Variants in ATF7IP2 observed in about 807,000 individuals in gnomAD.
ATF7IP2 encodes the protein activating transcription factor 7-interacting protein 2.
ATF7IP2 carries 42 observed loss-of-function variants against 64.2 expected under a neutral mutation model. The observed-to-expected ratio is 0.65, with a 90% confidence interval of 0.51 to 0.85. The LOEUF is 0.85. Ranked by LOEUF, ATF7IP2 falls within the 40% of genes least tolerant of loss-of-function variation. The pLI, the probability that ATF7IP2 is intolerant of heterozygous loss-of-function variation, is 0.00. For synonymous variants in ATF7IP2, 308 were observed against 272.8 expected (o/e 1.13, Z -1.27); for missense variants, 933 against 784.2 (o/e 1.19, Z -2.27).
intron 7 of ATF7IP2, 139 bp from the exon 8 acceptor site, chr16:10,440,225 C>T (rs1239509878): frequency 2.3e-6 from 1 of 442,744 alleles, no homozygotes; most frequent in East Asian, 3.9e-5. Flanking sequence ...TGATTTCAAG[C>T]TTTTGCATAT....
intron 8 of ATF7IP2, 161 bp from the exon 9 acceptor site, chr16:10,457,211 G>A (rs2049199311): frequency 1.8e-6 from 1 of 565,788 alleles, no homozygotes; most frequent in Non-Finnish European, 3.0e-6. Flanking sequence ...ATTCATTTTG[G>A]CAGGCAAATC....
chr16:10,415,041 G>A (rs1348373469), intron 2 of ATF7IP2, among the ~76,000 whole-genome samples: 1 of 152,166 alleles, frequency 6.6e-6, no homozygotes, highest in Non-Finnish European at 1.5e-5. Context: ...TTGTTAAAAT[G>A]TTCATACTGC....
chr16:10,408,189 T>C (rs910165734), intron 1 of ATF7IP2, among the ~76,000 whole-genome samples: 1 of 152,156 alleles, frequency 6.6e-6, no homozygotes, highest in Non-Finnish European at 1.5e-5. Flanking sequence ...GGATTGCAGA[T>C]GTGAGCCACC....
intron 8 of ATF7IP2, among the ~76,000 whole-genome samples, chr16:10,452,199 G>A (rs112440282): frequency 0.044 from 6,751 of 152,248 alleles, 255 homozygotes; most frequent in East Asian, 0.13. Context: ...GAGAAGAGGC[G>A]TTCTTGTTTT....
intron 6 of ATF7IP2, among the ~76,000 whole-genome samples, chr16:10,437,359 C>G (rs184210130): frequency 6.6e-6 from 1 of 152,178 alleles, no homozygotes; most frequent in Non-Finnish European, 1.5e-5. Flanking sequence ...ACTAGCTGAG[C>G]TAACCAACTG....
intron 9 of ATF7IP2, among the ~76,000 whole-genome samples, chr16:10,462,215 G>A (rs1351076479): frequency 6.6e-6 from 1 of 151,868 alleles, no homozygotes; most frequent in Admixed American, 6.6e-5. Context: ...TGTGCGTTTC[G>A]ATTTTACATT....
At chr16:10,435,348 T>G (rs1485744379) in intron 6 of ATF7IP2, among the ~76,000 whole-genome samples, 2 of 152,216 alleles carry the variant, frequency 1.3e-5, no homozygotes, top group Admixed American at 1.3e-4. Context: ...CAGTCTTAAG[T>G]TATTCACTCT....
chr16:10,469,730 C>T (rs999026422), intron 9 of ATF7IP2, among the ~76,000 whole-genome samples: 4 of 152,078 alleles, frequency 2.6e-5, no homozygotes, highest in African/African-American at 9.7e-5. Context: ...GAGCCGAGAT[C>T]ATGCCACTGC....
intron 5 of ATF7IP2, among the ~76,000 whole-genome samples, chr16:10,431,685 C>A (rs1335619548): frequency 6.6e-6 from 1 of 152,020 alleles, no homozygotes; most frequent in Non-Finnish European, 1.5e-5. Context: ...TCCTTAAGTA[C>A]AAAATATCAA....
chr16:10,470,845 G>GTA (rs568641530), intron 9 of ATF7IP2, among the ~76,000 whole-genome samples: 2 of 131,512 alleles, frequency 1.5e-5, no homozygotes, highest in Admixed American at 7.3e-5. Context: ...ATATGTGTGT[G>GTA]TATATATATG....
chr16:10,401,684 T>C (rs983102494), intron 1 of ATF7IP2, among the ~76,000 whole-genome samples: 9 of 151,878 alleles, frequency 5.9e-5, no homozygotes, highest in African/African-American at 2.2e-4. Context: ...AGAGGATTGG[T>C]ATTAGTTCAG....
At chr16:10,453,548 G>A (rs559026006) in intron 8 of ATF7IP2, among the ~76,000 whole-genome samples, 5 of 152,302 alleles carry the variant, frequency 3.3e-5, no homozygotes, top group East Asian at 3.9e-4. Flanking sequence ...CCAGCAATCC[G>A]AAATAATTTT....
intron 11 of ATF7IP2, 66 bp from the exon 12 acceptor site, chr16:10,473,857 T>C: frequency 4.6e-6 from 5 of 1,082,460 alleles, no homozygotes; most frequent in Non-Finnish European, 6.6e-6. Flanking sequence ...CAAATGGTTT[T>C]AAATTTTTAA....
intron 9 of ATF7IP2, chr16:10,471,843 A>C (rs945107304): frequency 4.0e-6 from 1 of 250,016 alleles, no homozygotes; most frequent in African/African-American, 2.2e-5. Flanking sequence ...TTGTATACTT[A>C]TATATATTTT....
chr16:10,468,080 A>G (rs907584177), intron 9 of ATF7IP2, among the ~76,000 whole-genome samples: 1 of 151,002 alleles, frequency 6.6e-6, no homozygotes, highest in African/African-American at 2.5e-5. Context: ...GGGTTTCTCC[A>G]TGTTGGTCAG....
rs539416062 is a variant in ATF7IP2, at chr16:10,473,598, T to C, written c.1482+64T>C. 411 of 1,169,442 alleles carry C rather than the reference T, an allele frequency of 3.5e-4. 1 individual carries two copies. The South Asian group carries it at 4.7e-3, about 13-fold the overall frequency. The allele number at this position is 1,169,442 out of a possible 1,614,324, so 72.4% of individuals were successfully genotyped here. A position where few individuals can be genotyped will look rare whatever the true frequency, so the allele number is the denominator to read the frequency against. On this transcript the variant is annotated intron_variant, in intron 11 of 13. Transcript: ENST00000562102. ...AATATGTTAGTTCAAGGAACTTTAGTGTTTGCTACATGTTGGATGATTTAG... is the reference window on the plus strand; with the variant it reads ...AATATGTTAGTTCAAGGAACTTTAGCGTTTGCTACATGTTGGATGATTTAG...
chr16:10,472,044 A>C, intron 9 of ATF7IP2, 66 bp from the exon 10 acceptor site: 1 of 739,090 alleles, frequency 1.4e-6, no homozygotes, highest in Non-Finnish European at 2.2e-6. Flanking sequence ...CCTAACCACT[A>C]ATTGCATGTT....
intron 1 of ATF7IP2, among the ~76,000 whole-genome samples, chr16:10,389,251 G>C (rs1269392039): frequency 6.6e-6 from 1 of 152,282 alleles, no homozygotes; most frequent in East Asian, 1.9e-4. Flanking sequence ...AGTCATGGTA[G>C]TCTATCTGGC....
At chr16:10,457,947 G>A (rs1044604185) in intron 9 of ATF7IP2, among the ~76,000 whole-genome samples, 1 of 152,188 alleles carries the variant, frequency 6.6e-6, no homozygotes, top group Admixed American at 6.5e-5. Flanking sequence ...CCTGGGCTCA[G>A]GCAATCTGTC....
Sources: gnomAD v4.1 joint callset for allele counts (sites outside exome capture counted in the v4.1 genomes callset) on GRCh38, gnomAD v4.1.1 for gene constraint, MANE v1.5 for transcripts, NCBI Gene and HGNC (gene_info 2026-07-23, HGNC 2026-07-21) for gene names.